CUL5: variants seen among roughly 807,000 people sequenced by gnomAD.
The protein encoded by CUL5 is cullin 5.
CUL5 carries 26 observed loss-of-function variants against 108.8 expected under a neutral mutation model. That is an observed-to-expected ratio of 0.24 (90% CI 0.18 to 0.33). CUL5 has a LOEUF of 0.33. Ranked by LOEUF, CUL5 falls within the 10% of genes least tolerant of loss-of-function variation. CUL5 has a pLI of 1.00. For synonymous variants in CUL5, 334 were observed against 298.0 expected, an observed-to-expected ratio of 1.12 and a Z score of -1.25; for missense variants, 524 against 909.2, an observed-to-expected ratio of 0.58 and a Z score of 5.45.
chr11:108,037,163 C>G (rs1350565430), intron 2 of CUL5, among the ~76,000 whole-genome samples: 1 of 151,400 alleles, frequency 6.6e-6, no homozygotes, highest in South Asian at 2.1e-4. Context: ...TGTTTTTTCT[C>G]TCTTCACTTT....
intron 5 of CUL5, among the ~76,000 whole-genome samples, chr11:108,053,658 C>T (rs1388660703): frequency 2.0e-5 from 3 of 150,558 alleles, no homozygotes; most frequent in East Asian, 1.9e-4. Flanking sequence ...TTCTACTTAC[C>T]CCTTAAGTGG....
Position 108,054,971 on chromosome 11 carries a change from A to G in CUL5, c.780+16A>G. ...CGTTGAAGCAGTAAGTAATTTTGTA[A>G]TTGTACATTTTATGGGATTATTTGA... is the stretch of plus-strand genomic sequence containing the variant. On this transcript the variant is annotated intron_variant, in intron 7 of 18. Transcript: ENST00000393094. 5.9e-6 allele frequency: 9 copies of G among 1,534,310 alleles called. No homozygotes were observed. Among genetic ancestry groups the G allele is most frequent in the Non-Finnish European group, 8.0e-6 (9 of 1,120,146 alleles).
intron 2 of CUL5, among the ~76,000 whole-genome samples, chr11:108,042,886 T>C (rs10789652): frequency 0.73 from 110,953 of 151,674 alleles, 41,305 homozygotes; most frequent in East Asian, 0.93. Flanking sequence ...CCTTAGCCTC[T>C]TGAGTACCTG....
intron 11 of CUL5, among the ~76,000 whole-genome samples, chr11:108,078,670 C>T (rs1008388881): frequency 2.6e-5 from 4 of 152,088 alleles, no homozygotes; most frequent in African/African-American, 7.2e-5. Flanking sequence ...GAAAATCTGA[C>T]AACTGGAATC....
chr11:108,069,345 A>G (rs1863766428), intron 7 of CUL5, among the ~76,000 whole-genome samples: 1 of 152,126 alleles, frequency 6.6e-6, no homozygotes, highest in Non-Finnish European at 1.5e-5. Flanking sequence ...ATAGATTTTC[A>G]TTCATAATCT....
At chr11:108,048,767 A>G (rs1312091062) in intron 3 of CUL5, among the ~76,000 whole-genome samples, 1 of 149,612 alleles carries the variant, frequency 6.7e-6, no homozygotes, top group African/African-American at 2.5e-5. Context: ...CCTGGATTCA[A>G]GCGATTCTCC....
At chr11:108,025,422 G>C in intron 1 of CUL5, among the ~76,000 whole-genome samples, 1 of 152,090 alleles carries the variant, frequency 6.6e-6, no homozygotes, top group East Asian at 1.9e-4. Flanking sequence ...TTTGGATTTG[G>C]CTGTGATGCA....
intron 13 of CUL5, 71 bp from the exon 14 acceptor site, chr11:108,094,320 T>G (rs1864434766): frequency 8.7e-7 from 1 of 1,146,572 alleles, no homozygotes; most frequent in Admixed American, 2.6e-5. Context: ...AGTTTTTCTA[T>G]TAAAATTTTT....
At chr11:108,018,252 G>T (rs1476606347) in intron 1 of CUL5, among the ~76,000 whole-genome samples, 1 of 152,194 alleles carries the variant, frequency 6.6e-6, no homozygotes, top group African/African-American at 2.4e-5. Context: ...ACCTTTAAAA[G>T]GTTGCTGTGG....
chr11:108,070,058 G>A, intron 7 of CUL5, 38 bp from the exon 8 acceptor site: 1 of 1,354,082 alleles, frequency 7.4e-7, no homozygotes, highest in African/African-American at 1.4e-5. Flanking sequence ...GTGCTATACA[G>A]CTTATAGTAG....
chr11:108,033,673 T>C, intron 1 of CUL5, 129 bp from the exon 2 acceptor site: 1 of 614,486 alleles, frequency 1.6e-6, no homozygotes, highest in South Asian at 2.0e-5. Flanking sequence ...CTGTAGGGAT[T>C]CCATTATGGA....
intron 2 of CUL5, among the ~76,000 whole-genome samples, chr11:108,039,723 C>A (rs921127027): frequency 1.3e-5 from 2 of 152,122 alleles, no homozygotes; most frequent in African/African-American, 4.8e-5. Flanking sequence ...TAGTATTTGT[C>A]GTTTGGAAAG....
chr11:108,101,298 A>T (rs1864657854), intron 18 of CUL5, among the ~76,000 whole-genome samples: 1 of 152,230 alleles, frequency 6.6e-6, no homozygotes, highest in South Asian at 2.1e-4. Flanking sequence ...TGTCATATCT[A>T]TGCAGTTATG....
intron 2 of CUL5, among the ~76,000 whole-genome samples, chr11:108,040,864 G>T (rs947566263): frequency 6.6e-6 from 1 of 152,150 alleles, no homozygotes; most frequent in African/African-American, 2.4e-5. Flanking sequence ...GAGAGCTGGA[G>T]AAGATGTACC....
Position 108,052,554 on chromosome 11 carries a change from A to C in CUL5, c.412-106A>C, listed in dbSNP as rs1332754280. 7 of 1,029,066 alleles carry C rather than the reference A, an allele frequency of 6.8e-6. No homozygotes were observed. In the East Asian group the frequency reaches 1.8e-4, roughly 27 times the overall value. 63.7% of individuals were successfully genotyped at this position (1,029,066 alleles called of 1,614,324 possible). A position where few individuals can be genotyped will look rare whatever the true frequency, so the allele number is the denominator to read the frequency against. The stretch of plus-strand genomic sequence containing the variant: ...TGGGACTACAGGCGTGAGCCACTGC[A>C]CCTGGCCCAGGCCTACAAATTTGAT... On this transcript the variant is annotated intron_variant, in intron 4 of 18. Transcript: ENST00000393094.
Position 108,038,314 on chromosome 11 carries a change from C to T in CUL5, c.134+4403C>T, listed in dbSNP as rs550816769. Among the ~76,000 whole-genome samples the T allele has an allele frequency of 1.1e-4, 16 of 152,196 alleles. No homozygotes were observed. The South Asian group carries it at 3.3e-3, about 32-fold the overall frequency. On this transcript the variant is annotated intron_variant, in intron 2 of 18. Transcript: ENST00000393094. The stretch of plus-strand genomic sequence containing the variant: ...CTCCTGACTTAGAAAAGGAGCATAG[C>T]CCTACTAAAGGGGACTTCAAAGTAG...
At position 108,073,421 on chromosome 11, in the gene CUL5, C is replaced by T; in HGVS notation, c.1037C>T (p.Thr346Ile). Residue 346 changes from threonine (T) to isoleucine (I), a missense_variant, in exon 10 of 19, where the codon ACA (threonine) becomes ATA (isoleucine). By Grantham distance (89) the Thr-to-Ile change is moderately conservative. Coordinates refer to ENST00000393094, the MANE Select transcript of CUL5 (RefSeq NM_003478.6). Reference protein sequence around the residue: ...DSEKYVEQLLTLFNRFSKLVK... With the variant: ...DSEKYVEQLLILFNRFSKLVK... ...GAGAAATACGTTGAGCAGTTACTTA[C>T]ACTATTTAATAGATTTAGTAAACTC... 3.2e-6 allele frequency: 5 copies of T among 1,584,126 alleles called. No individual in the cohort carries two copies. Among genetic ancestry groups the T allele is most frequent in the Admixed American group, 1.8e-5 (1 of 55,766 alleles).
intron 2 of CUL5, among the ~76,000 whole-genome samples, chr11:108,037,075 C>T (rs1158227447): frequency 6.6e-6 from 1 of 151,948 alleles, no homozygotes; most frequent in Non-Finnish European, 1.5e-5. Context: ...ACCCAAAACT[C>T]ACCTTTGGGA....
chr11:108,064,792 T>G (rs1380915796), intron 7 of CUL5, among the ~76,000 whole-genome samples: 1 of 152,178 alleles, frequency 6.6e-6, no homozygotes, highest in Non-Finnish European at 1.5e-5. Flanking sequence ...ATCAGTGATA[T>G]TGGCCTGTAG....
Sources: allele counts gnomAD v4.1 joint callset (sites outside exome capture counted in the v4.1 genomes callset), GRCh38; gene constraint gnomAD v4.1.1; transcripts MANE v1.5; gene names NCBI Gene and HGNC (gene_info 2026-07-23, HGNC 2026-07-21).